The following ZNF19 variants were observed in gnomAD, a reference collection of about 807,000 sequenced individuals.
The protein encoded by ZNF19 is zinc finger protein 19 (KOX 12).
In ZNF19, 11 loss-of-function variants were observed where a neutral mutation model predicts 13.1. The observed-to-expected ratio is 0.84, with a 90% CI of 0.53 to 1.39. The LOEUF is 1.39. Ranked by LOEUF, ZNF19 falls within the 40% of genes most tolerant of loss-of-function variation. ZNF19 has a pLI of 0.00. For missense variants in ZNF19, 560 were observed against 547.0 expected, an observed-to-expected ratio of 1.02 and a Z score of -0.24; for synonymous variants, 186 against 187.0, an observed-to-expected ratio of 0.99 and a Z score of 0.04.
In ZNF19 at chr16:71,478,619, G is replaced by T. The variant is rs954189359; in HGVS notation, c.160+260C>A. 7 of 641,966 alleles carry T rather than the reference G, an allele frequency of 1.1e-5. No homozygotes were observed. The African/African-American group carries it at 1.1e-4, about 10-fold the overall frequency. The allele number at this position is 641,966 out of a possible 1,614,324, so 39.8% of individuals were successfully genotyped here. A position where few individuals can be genotyped will look rare whatever the true frequency, so the allele number is the denominator to read the frequency against. On this transcript the variant is annotated intron_variant, in intron 4 of 5. Transcript: ENST00000288177. ...CAACAACTACTACTTATTCCTTACT[G>T]TGCAGAGCCTCTTGGAAGATGGAAC...
chr16:71,482,157 C>CAG lies in ZNF19; in HGVS notation c.-29-16_-29-15dup. On this transcript the variant is annotated splice_polypyrimidine_tract_variant and intron_variant, in intron 2 of 5. Transcript: ENST00000288177. Reference sequence around the variant, plus strand: ...AGCAGGCAAAGGCTGAGGGAAGAAACAGAGAGAACCAACAGTGAGCTCAGC... The same window carrying CAG: ...AGCAGGCAAAGGCTGAGGGAAGAAACAGAGAGAGAACCAACAGTGAGCTCAGC... 6.2e-7 allele frequency: 1 copy of CAG among 1,612,940 alleles called. No homozygotes were observed. The highest frequency in any genetic ancestry group is 1.1e-5 in the South Asian group (1 of 90,722).
chr16:71,487,851 A>G (rs953935660), intron 1 of ZNF19, among the ~76,000 whole-genome samples: 2 of 152,242 alleles, frequency 1.3e-5, no homozygotes, highest in Non-Finnish European at 2.9e-5. Flanking sequence ...TTGGCTGCAA[A>G]AAAATATGTA....
chr16:71,488,760 T>C (rs2043699486), intron 1 of ZNF19, among the ~76,000 whole-genome samples: 1 of 151,360 alleles, frequency 6.6e-6, no homozygotes, highest in Non-Finnish European at 1.5e-5. Flanking sequence ...GATGGTGCCA[T>C]TGCACTCCAG....
intron 3 of ZNF19, among the ~76,000 whole-genome samples, chr16:71,479,436 T>C (rs1243230831): frequency 6.6e-6 from 1 of 152,152 alleles, no homozygotes; most frequent in African/African-American, 2.4e-5. Context: ...AATCTATCTG[T>C]TCCCCACATG....
Position 71,482,787 on chromosome 16 carries a change from G to A in ZNF19, c.-29-644C>T, listed in dbSNP as rs138830228. Among the ~76,000 whole-genome samples, 14 of 152,176 alleles carry A rather than the reference G, an allele frequency of 9.2e-5. No individual in the cohort carries two copies. The East Asian group carries it at 1.5e-3, about 17-fold the overall frequency. On this transcript the variant is annotated intron_variant, in intron 2 of 5. Transcript: ENST00000288177. ...CGTGATCTCAGCTGACTGTAACCAC[G>A]GCCTCCCAGGTTCAAGCAATTCTCC...
In ZNF19 at chr16:71,475,902, T is replaced by G. The variant is rs776806070; in HGVS notation, c.645A>C (p.Arg215Ser). ...GCCCACACTCCTCACACTGATAGGG[T>G]CTCTCTCCAGTGTGAATCCTCTGGT... ...IRHQRIHTGE[R>S]PYQCEECGRA... is the part of the protein sequence containing the mutation. Residue 215 changes from arginine (R) to serine (S), a missense_variant, in exon 6 of 6, where the codon AGA (arginine) becomes AGC (serine). By Grantham distance (110) the Arg-to-Ser change is moderately radical. Coordinates refer to ENST00000288177, the MANE Select transcript of ZNF19 (RefSeq NM_006961.4). The G allele has an allele frequency of 1.2e-6, 2 of 1,613,496 alleles. No individual in the cohort carries two copies. Among genetic ancestry groups the G allele is most frequent in the South Asian group, 2.2e-5 (2 of 91,044 alleles).
At chr16:71,485,976 G>A (rs2043675460) in intron 1 of ZNF19, among the ~76,000 whole-genome samples, 1 of 152,048 alleles carries the variant, frequency 6.6e-6, no homozygotes, top group Non-Finnish European at 1.5e-5. Flanking sequence ...TAGAACCTGT[G>A]AGTACATTAA....
At chr16:71,484,805 C>T in intron 1 of ZNF19, 57 bp from the exon 2 acceptor site, 1 of 926,808 alleles carries the variant, frequency 1.1e-6, no homozygotes, top group Non-Finnish European at 1.3e-6. Context: ...CGAAATTTAG[C>T]ATTTTCTTCT....
chr16:71,478,825 A>G (rs1382125731), intron 4 of ZNF19, 54 bp downstream of exon 4: 1 of 1,593,392 alleles, frequency 6.3e-7, no homozygotes, highest in African/African-American at 1.3e-5. Context: ...CTGTAAAAGA[A>G]GGAAGGAAAC....
In ZNF19 at chr16:71,474,129, G is replaced by A. The variant is rs2043584433; in HGVS notation, c.*1041C>T. 2 of 152,240 alleles carry A rather than the reference G, an allele frequency of 1.3e-5. No individual in the cohort carries two copies. Among genetic ancestry groups the A allele is most frequent in the Admixed American group, 6.5e-5 (1 of 15,282 alleles). The allele number at this position is 152,240 out of a possible 1,614,324, so 9.4% of individuals were successfully genotyped here. On this transcript the variant is annotated 3_prime_UTR_variant, in exon 6 of 6. Transcript: ENST00000288177. ...ACACGTGGGAGAAAAAAAGGGTGCA[G>A]TTTGTGTTCATCACCAAAGAAAAGG...
chr16:71,474,957 A>G lies in ZNF19; in HGVS notation c.*213T>C. On this transcript the variant is annotated 3_prime_UTR_variant, in exon 6 of 6. Transcript: ENST00000288177. Reference sequence around the variant, plus strand: ...AGTCTAGTTCTTCTTCTCAGCATTAAAACCAATGGGGGTGGGCGGGGGGAG... The same window carrying G: ...AGTCTAGTTCTTCTTCTCAGCATTAGAACCAATGGGGGTGGGCGGGGGGAG... 1 of 599,420 alleles carries G rather than the reference A, an allele frequency of 1.7e-6. No homozygotes were observed. Among genetic ancestry groups the G allele is most frequent in the South Asian group, 2.3e-5 (1 of 42,896 alleles). 37.1% of individuals were successfully genotyped at this position (599,420 alleles called of 1,614,324 possible). A position where few individuals can be genotyped will look rare whatever the true frequency, so the allele number is the denominator to read the frequency against.
intron 2 of ZNF19, 192 bp from the exon 3 acceptor site, chr16:71,482,335 G>T: frequency 1.7e-6 from 1 of 575,408 alleles, no homozygotes; most frequent in Non-Finnish European, 3.1e-6. Flanking sequence ...GATTTTGAAA[G>T]AATAAGTAAC....
chr16:71,486,590 T>A (rs1028334459), intron 1 of ZNF19, among the ~76,000 whole-genome samples: 21 of 152,166 alleles, frequency 1.4e-4, no homozygotes, highest in Non-Finnish European at 5.9e-5. Context: ...TTAGTCTAAA[T>A]CCTGAATTTA....
intron 5 of ZNF19, 94 bp from the exon 6 acceptor site, chr16:71,476,366 AT>A: frequency 7.3e-7 from 1 of 1,366,690 alleles, no homozygotes; most frequent in Non-Finnish European, 9.7e-7. Context: ...AAAAGAGATC[AT>A]TTCAACTTTC....
Position 71,476,098 on chromosome 16 carries a change from T to C in ZNF19, c.449A>G (p.Lys150Arg), listed in dbSNP as rs768898558. The change falls in exon 6 of 6, where the codon AAG becomes AGG. Residue 150 changes from lysine (K) to arginine (R), a missense_variant. By Grantham distance (26) the Lys-to-Arg change is conservative. Transcript: ENST00000288177. Reference sequence around the variant, plus strand: ...CCTTGCACAGGGGATTCTTGGAACCTTTCCTTGGATATTTTTCACTGTGGG... The same window carrying C: ...CCTTGCACAGGGGATTCTTGGAACCCTTCCTTGGATATTTTTCACTGTGGG... The part of the protein sequence containing the change: ...DIPTVKNIQG[K>R]VPRIPCARKP... 19 of 1,614,094 alleles carry C rather than the reference T, an allele frequency of 1.2e-5. No homozygotes were observed. The highest frequency in any genetic ancestry group is 3.3e-4 in the Middle Eastern group (2 of 6,084).
Position 71,478,343 on chromosome 16 carries a change from T to G in ZNF19, c.161-2A>C. The G allele has an allele frequency of 6.2e-7, 1 of 1,607,548 alleles. No individual in the cohort carries two copies. Among genetic ancestry groups the G allele is most frequent in the Non-Finnish European group, 8.5e-7 (1 of 1,174,568 alleles). On this transcript the variant is annotated splice_acceptor_variant, in intron 4 of 5. Transcript: ENST00000288177. LOFTEE classifies it high-confidence loss of function. ...GTGCAGGTTTGGGAACTGGGTACCC[T>G]GAAAACAGGAAGAAAATGGTACTTT...
chr16:71,481,957 C>T (rs745532773), intron 3 of ZNF19, 125 bp downstream of exon 3: 2 of 991,128 alleles, frequency 2.0e-6, no homozygotes, highest in South Asian at 1.4e-5. Context: ...CCCAGTCCTA[C>T]TGGAGGGAAT....
intron 5 of ZNF19, 111 bp downstream of exon 5, chr16:71,478,117 C>T (rs2043613734): frequency 7.1e-6 from 5 of 700,348 alleles, no homozygotes; most frequent in Non-Finnish European, 1.2e-5. Context: ...CATATTTTAC[C>T]TATTAGGTGA....
In ZNF19 at chr16:71,482,143, G is replaced by T. The variant is rs777552736; in HGVS notation, c.-29C>A. ...CTGGTCTCCCTCTTAGCAGGCAAAG[G>T]CTGAGGGAAGAAACAGAGAGAACCA... On this transcript the variant is annotated splice_region_variant and 5_prime_UTR_variant, in exon 3 of 6. Transcript: ENST00000288177. The T allele has an allele frequency of 1.2e-6, 2 of 1,613,740 alleles. No homozygotes were observed. Among genetic ancestry groups the T allele is most frequent in the Non-Finnish European group, 1.7e-6 (2 of 1,179,868 alleles).
Sources: gnomAD v4.1 joint callset for allele counts (sites outside exome capture counted in the v4.1 genomes callset) on GRCh38, gnomAD v4.1.1 for gene constraint, MANE v1.5 for transcripts, NCBI Gene and HGNC (gene_info 2026-07-23, HGNC 2026-07-21) for gene names.